LOC128462377: variants seen among roughly 807,000 people sequenced by gnomAD.
chr16:89,376,449 T>C, the LOC128462377 span, among the ~76,000 whole-genome samples: 8 of 152,114 alleles, frequency 5.3e-5, no homozygotes, highest in Admixed American at 5.2e-4. Context: ...TTTGTTTTTG[T>C]TTTTTTGAGT....
At chr16:89,328,246 G>T in the LOC128462377 span, among the ~76,000 whole-genome samples, 38 of 152,320 alleles carry the variant, frequency 2.5e-4, no homozygotes, top group Admixed American at 1.3e-4. Context: ...CGCTTGCTGT[G>T]GGAACGCAAA....
chr16:89,375,316 C>T, the LOC128462377 span, among the ~76,000 whole-genome samples: 13 of 152,188 alleles, frequency 8.5e-5, no homozygotes, highest in African/African-American at 2.9e-4. Context: ...AAGCTAGTTG[C>T]GGTAGCATGG....
chr16:89,350,504 C>T, the LOC128462377 span, among the ~76,000 whole-genome samples: 2 of 152,166 alleles, frequency 1.3e-5, no homozygotes, highest in African/African-American at 4.8e-5. Flanking sequence ...CACCACAGAA[C>T]CCAGATCAAT....
chr16:89,337,865 T>C, the LOC128462377 span, among the ~76,000 whole-genome samples: 1 of 152,212 alleles, frequency 6.6e-6, no homozygotes, highest in Non-Finnish European at 1.5e-5. Context: ...TGTTCTCTAA[T>C]GGTGTGGTCT....
chr16:89,361,813 A>G, the LOC128462377 span: 1 of 152,256 alleles, frequency 6.6e-6, no homozygotes, highest in African/African-American at 2.4e-5. Flanking sequence ...GCTTGGGAAA[A>G]TTAACCCTAA....
At chr16:89,415,529 G>C in the LOC128462377 span, among the ~76,000 whole-genome samples, 2 of 151,772 alleles carry the variant, frequency 1.3e-5, no homozygotes, top group South Asian at 4.2e-4. Context: ...CTCCCAAAGT[G>C]CTGGGATTAC....
At chr16:89,365,230 G>T in the LOC128462377 span, among the ~76,000 whole-genome samples, 11 of 152,156 alleles carry the variant, frequency 7.2e-5, no homozygotes, top group Admixed American at 7.2e-4. Flanking sequence ...TTCCAGAGCT[G>T]GTTTTTGTAG....
At chr16:89,341,619 A>T in the LOC128462377 span, among the ~76,000 whole-genome samples, 1 of 152,244 alleles carries the variant, frequency 6.6e-6, no homozygotes, top group Non-Finnish European at 1.5e-5. Flanking sequence ...CACCCCATCC[A>T]GCCCATAAAT....
At chr16:89,349,681 A>G in the LOC128462377 span, among the ~76,000 whole-genome samples, 1 of 152,178 alleles carries the variant, frequency 6.6e-6, no homozygotes, top group Non-Finnish European at 1.5e-5. Context: ...ATGACTGAAA[A>G]CTATGTATCT....
chr16:89,389,759 C>T, the LOC128462377 span, among the ~76,000 whole-genome samples: 44 of 138,738 alleles, frequency 3.2e-4, no homozygotes, highest in African/African-American at 9.4e-4. Flanking sequence ...CGGGGAGCAC[C>T]GAGAGAGAAG....
chr16:89,365,817 A>G, the LOC128462377 span, among the ~76,000 whole-genome samples: 1 of 152,212 alleles, frequency 6.6e-6, no homozygotes, highest in African/African-American at 2.4e-5. Context: ...CCAGGTGTTA[A>G]GCCCAGTACC....
At chr16:89,385,951 G>A in the LOC128462377 span, among the ~76,000 whole-genome samples, 1 of 152,210 alleles carries the variant, frequency 6.6e-6, no homozygotes, top group South Asian at 2.1e-4. Flanking sequence ...TTAGCACACA[G>A]CGGACAGCAG....
chr16:89,387,622 G>A, the LOC128462377 span, among the ~76,000 whole-genome samples: 3 of 147,160 alleles, frequency 2.0e-5, no homozygotes, highest in Non-Finnish European at 3.0e-5. Flanking sequence ...GCAGTGAGCC[G>A]AGACTGCACC....
chr16:89,393,319 T>TA, the LOC128462377 span, among the ~76,000 whole-genome samples: 580 of 150,988 alleles, frequency 3.8e-3, 3 homozygotes, highest in African/African-American at 0.014. Flanking sequence ...TTTTTATTTT[T>TA]TTTTTTTTTG....
chr16:89,324,101 C>T, the LOC128462377 span: 4 of 452,670 alleles, frequency 8.8e-6, no homozygotes, highest in Non-Finnish European at 1.3e-5. Flanking sequence ...CTGCCGGCCT[C>T]GGCCTCCCAA....
At chr16:89,397,945 A>G in the LOC128462377 span, among the ~76,000 whole-genome samples, 1 of 152,234 alleles carries the variant, frequency 6.6e-6, no homozygotes, top group African/African-American at 2.4e-5. Context: ...TCAGACACTG[A>G]TCTCCTGTTG....
the LOC128462377 span, among the ~76,000 whole-genome samples, chr16:89,372,109 G>C: frequency 2.0e-5 from 3 of 152,338 alleles, no homozygotes; most frequent in East Asian, 5.8e-4. Context: ...CGGGCACCCG[G>C]CCCTCGCATG....
chr16:89,331,409 C>CA, the LOC128462377 span, among the ~76,000 whole-genome samples: 1 of 151,980 alleles, frequency 6.6e-6, no homozygotes, highest in Non-Finnish European at 1.5e-5. Context: ...GACAAACAGG[C>CA]AAAAATCCCA....
chr16:89,415,707 A>T, the LOC128462377 span, among the ~76,000 whole-genome samples: 2 of 151,248 alleles, frequency 1.3e-5, no homozygotes, highest in African/African-American at 4.9e-5. Flanking sequence ...GGGTACCTGT[A>T]ATCCCAGCTA....
Sources: gnomAD v4.1 joint callset for allele counts (sites outside exome capture counted in the v4.1 genomes callset) on GRCh38, gnomAD v4.1.1 for gene constraint, MANE v1.5 for transcripts.